Variants in ADGRG4 observed in about 807,000 individuals in gnomAD.
The protein encoded by ADGRG4 is G protein-coupled receptor 112.
ADGRG4 carries 122 observed loss-of-function variants against 126.2 expected under a neutral mutation model. That is an observed-to-expected ratio of 0.97 (90% CI 0.83 to 1.12). The LOEUF (loss-of-function observed/expected upper bound fraction) is 1.12. Ranked by LOEUF, ADGRG4 falls within the 50% of genes most tolerant of loss-of-function variation. The probability of loss-of-function intolerance (pLI) is 0.00; values close to 1 mark genes in which losing one functional copy is unlikely to be tolerated. For missense variants in ADGRG4, 2,481 were observed against 2,251.8 expected, an observed-to-expected ratio of 1.10 and a Z score of -2.06; for synonymous variants, 943 against 838.7, an observed-to-expected ratio of 1.12 and a Z score of -2.15.
chrX:136,331,061 G>C (rs1033490179), intron 5 of ADGRG4, among the ~76,000 whole-genome samples: 1 of 107,018 alleles, frequency 9.3e-6, no homozygotes, highest in Non-Finnish European at 1.9e-5. Flanking sequence ...CAATTGTTTT[G>C]ATTTTTGTAG....
chrX:136,410,737 T>C (rs1603301350), intron 23 of ADGRG4, among the ~76,000 whole-genome samples: 1 of 111,560 alleles, frequency 9.0e-6, no homozygotes, highest in Admixed American at 9.5e-5. Flanking sequence ...ACTTAGTGTA[T>C]CAAAGACAAA....
At chrX:136,331,101 T>C (rs2074907050) in intron 5 of ADGRG4, among the ~76,000 whole-genome samples, 1 of 111,659 alleles carries the variant, frequency 9.0e-6, no homozygotes, top group African/African-American at 3.3e-5. Flanking sequence ...ATGCGATGTT[T>C]GTTTTTCTGT....
intron 23 of ADGRG4, among the ~76,000 whole-genome samples, chrX:136,407,489 G>A (rs1651238228): frequency 9.0e-6 from 1 of 111,708 alleles, no homozygotes; most frequent in African/African-American, 3.3e-5. Flanking sequence ...AAGTGCTGCG[G>A]AGTTGAGGGG....
chrX:136,380,807 A>G (rs1331438383), intron 15 of ADGRG4, among the ~76,000 whole-genome samples: 1 of 107,991 alleles, frequency 9.3e-6, no homozygotes, highest in East Asian at 2.8e-4. Flanking sequence ...GAACTCCTGG[A>G]CTCAAGCAAT....
rs996840143 is a variant in ADGRG4, at chrX:136,329,709, G to A, written c.685+6317G>A. 9.6e-5 allele frequency among the ~76,000 whole-genome samples: 10 copies of A among 103,880 alleles called. No homozygotes were observed. The East Asian group carries it at 2.1e-3, about 22-fold the overall frequency. The allele number at this position is 103,880 out of a possible 115,157, so 90.2% of individuals were successfully genotyped here. A position where few individuals can be genotyped will look rare whatever the true frequency, so the allele number is the denominator to read the frequency against. ...TTTTGAGATAAGGTCTCACTCTGTC[G>A]CCCAGGATGTAGTGCAGTGGTGCAA... On this transcript the variant is annotated intron_variant, in intron 5 of 25. Coordinates refer to ENST00000394143, the MANE Select transcript of ADGRG4 (RefSeq NM_153834.4).
chrX:136,396,611 AGAGAG>A (rs1175974951), intron 19 of ADGRG4, among the ~76,000 whole-genome samples: 1 of 98,195 alleles, frequency 1.0e-5, no homozygotes, highest in African/African-American at 3.9e-5. Context: ...AAAAAAAAAA[AGAGAG>A]AGAGAGAGAG....
chrX:136,384,049 G>T (rs889244028), intron 15 of ADGRG4, among the ~76,000 whole-genome samples: 1 of 109,217 alleles, frequency 9.2e-6, no homozygotes, highest in Non-Finnish European at 1.9e-5. Flanking sequence ...GTGCCACCAC[G>T]CATGGGCTGT....
chrX:136,346,610 T>G lies in ADGRG4; in HGVS notation c.2904T>G (p.Ala968=). 1 of 1,210,646 alleles carries G rather than the reference T, an allele frequency of 8.3e-7. No individual in the cohort carries two copies. Among genetic ancestry groups the G allele is most frequent in the Non-Finnish European group, 1.1e-6 (1 of 894,517 alleles). Reference sequence around the variant, plus strand: ...ATATATTCGGTGAACCCCTGGGTGCTTCTACCACAAGGATATCAGAAACCA... The same window carrying G: ...ATATATTCGGTGAACCCCTGGGTGCGTCTACCACAAGGATATCAGAAACCA... ...STHIFGEPLG[A]STTRISETSF... is the part of the protein sequence containing the mutation. Residue 968 remains alanine, a synonymous_variant, in exon 6 of 26, where the codon GCT becomes GCG. Coordinates refer to ENST00000394143, the MANE Select transcript of ADGRG4 (RefSeq NM_153834.4).
At chrX:136,402,019 G>C (rs755312517) in intron 21 of ADGRG4, among the ~76,000 whole-genome samples, 14 of 112,218 alleles carry the variant, frequency 1.2e-4, no homozygotes, top group Non-Finnish European at 1.7e-4. Context: ...ATACATGCAC[G>C]GTCACCAGGG....
intron 16 of ADGRG4, among the ~76,000 whole-genome samples, chrX:136,390,354 T>C (rs1293455404): frequency 2.7e-5 from 3 of 111,503 alleles, no homozygotes; most frequent in African/African-American, 9.8e-5. Flanking sequence ...GCCTGGTCCA[T>C]AGAAATTGTT....
At chrX:136,399,187 A>T (rs2075366473) in intron 20 of ADGRG4, among the ~76,000 whole-genome samples, 1 of 111,591 alleles carries the variant, frequency 9.0e-6, no homozygotes, top group Non-Finnish European at 1.9e-5. Flanking sequence ...CTACCTCTTG[A>T]TCTGTGTCGA....
chrX:136,327,916 A>G (rs1415566021), intron 5 of ADGRG4, among the ~76,000 whole-genome samples: 1 of 111,434 alleles, frequency 9.0e-6, no homozygotes, highest in Non-Finnish European at 1.9e-5. Flanking sequence ...TTAAAAATAC[A>G]TAAAAGTATA....
At chrX:136,388,225 A>G (rs2075302057) in intron 16 of ADGRG4, among the ~76,000 whole-genome samples, 1 of 111,800 alleles carries the variant, frequency 8.9e-6, no homozygotes, top group Admixed American at 9.5e-5. Flanking sequence ...TGGCTCCTCA[A>G]AGCCAACATG....
chrX:136,349,408 T>C lies in ADGRG4; in HGVS notation c.5702T>C (p.Val1901Ala), dbSNP rs1478004038. Residue 1901 changes from valine (V) to alanine (A), a missense_variant, in exon 6 of 26, where the codon GTA becomes GCA. Val to Ala is a moderately conservative substitution (Grantham distance 64). Coordinates refer to ENST00000394143, the MANE Select transcript of ADGRG4 (RefSeq NM_153834.4). Reference protein sequence around the residue: ...SQFPISTTINVPTSNEMETET... With the variant: ...SQFPISTTINAPTSNEMETET... Reference sequence around the variant, plus strand: ...TTTCCAATTTCCACCACTATTAATGTACCTACATCCAATGAGATGGAAACA... The same window carrying C: ...TTTCCAATTTCCACCACTATTAATGCACCTACATCCAATGAGATGGAAACA... The C allele has an allele frequency of 8.3e-7, 1 of 1,202,026 alleles. No homozygotes were observed. The highest frequency in any genetic ancestry group is 1.8e-5 in the South Asian group (1 of 56,598).
At chrX:136,312,739 T>C (rs988804270) in intron 4 of ADGRG4, among the ~76,000 whole-genome samples, 4 of 111,874 alleles carry the variant, frequency 3.6e-5, no homozygotes, top group Non-Finnish European at 1.9e-5. Context: ...ATATTTAGAG[T>C]GGTGGAACCA....
At chrX:136,360,116 G>A (rs1191343872) in intron 11 of ADGRG4, among the ~76,000 whole-genome samples, 2 of 111,100 alleles carry the variant, frequency 1.8e-5, no homozygotes, top group Admixed American at 9.6e-5. Flanking sequence ...TGAAATGGGG[G>A]GCAGAAACGT....
intron 15 of ADGRG4, among the ~76,000 whole-genome samples, chrX:136,386,446 A>G (rs924509020): frequency 2.7e-5 from 3 of 112,085 alleles, no homozygotes; most frequent in African/African-American, 9.7e-5. Context: ...AAAGAGCCAT[A>G]TGGGTTTTGA....
intron 16 of ADGRG4, among the ~76,000 whole-genome samples, chrX:136,391,237 G>A (rs1020852385): frequency 4.5e-5 from 5 of 111,032 alleles, no homozygotes; most frequent in Non-Finnish European, 9.4e-5. Flanking sequence ...CTGCGTTCAC[G>A]TCCTCTAGGC....
Position 136,382,393 on chromosome X carries a change from A to G in ADGRG4, c.7777-5347A>G, listed in dbSNP as rs750038812. On this transcript the variant is annotated intron_variant, in intron 15 of 25. Transcript: ENST00000394143. Reference sequence around the variant, plus strand: ...ACATGCACAAACATGTTTTTAACAAAAGAAGGAGGAAATATTCATGACAAT... The same window carrying G: ...ACATGCACAAACATGTTTTTAACAAGAGAAGGAGGAAATATTCATGACAAT... Among the ~76,000 whole-genome samples, 3 of 112,621 alleles carry G rather than the reference A, an allele frequency of 2.7e-5. No individual in the cohort carries two copies. The Admixed American group carries it at 2.8e-4, about 11-fold the overall frequency.
Sources: gnomAD v4.1 joint callset for allele counts (sites outside exome capture counted in the v4.1 genomes callset) on GRCh38, gnomAD v4.1.1 for gene constraint, MANE v1.5 for transcripts, NCBI Gene and HGNC (gene_info 2026-07-23, HGNC 2026-07-21) for gene names.